Variants in HCN4 observed in about 807,000 individuals in gnomAD.
HCN4 encodes potassium/sodium hyperpolarization-activated cyclic nucleotide-gated channel 4.
A neutral mutation model predicts 76.9 loss-of-function variants in HCN4; 29 were observed. The ratio of observed to expected loss-of-function variants is 0.38; its 90% confidence interval spans 0.28 to 0.51. The LOEUF (loss-of-function observed/expected upper bound fraction) is 0.51, where lower values mean the gene tolerates loss of function less well. HCN4 is among the 20% of genes least tolerant of loss of function. The pLI is 0.90. For missense variants in HCN4, 1,416 were observed against 1,715.2 expected (o/e 0.83, Z 3.08); for synonymous variants, 772 against 762.5 (o/e 1.01, Z -0.21).
In HCN4 at chr15:73,361,285, G is replaced by A. The variant is rs549616094; in HGVS notation, c.785+6201C>T. Among the ~76,000 whole-genome samples, 33 of 152,280 alleles carry A rather than the reference G, an allele frequency of 2.2e-4. 1 individual carries two copies. The highest frequency in any genetic ancestry group is 7.9e-4 in the African/African-American group (33 of 41,542). On this transcript the variant is annotated intron_variant, in intron 1 of 7. Transcript: ENST00000261917. ...CCTCAGATCCGAGTGGGTGCTGATGGTACAGTGTCTCCCAGTGGCTTCCTA... is the reference window on the plus strand; with the variant it reads ...CCTCAGATCCGAGTGGGTGCTGATGATACAGTGTCTCCCAGTGGCTTCCTA...
At chr15:73,334,240 T>C (rs1052712843) in intron 2 of HCN4, among the ~76,000 whole-genome samples, 2 of 152,142 alleles carry the variant, frequency 1.3e-5, no homozygotes, top group Non-Finnish European at 2.9e-5. Context: ...GCATCTGCCA[T>C]GGCCTGGAAG....
At chr15:73,363,759 C>T (rs1378283559) in intron 1 of HCN4, among the ~76,000 whole-genome samples, 2 of 152,192 alleles carry the variant, frequency 1.3e-5, no homozygotes, top group Non-Finnish European at 2.9e-5. Context: ...TTCACAACAG[C>T]ATCACGGCTC....
intron 2 of HCN4, among the ~76,000 whole-genome samples, chr15:73,337,279 C>A (rs2042972356): frequency 6.6e-6 from 1 of 152,244 alleles, no homozygotes. Context: ...TGCTGCTGCA[C>A]GAGGCAGGGC....
intron 4 of HCN4, among the ~76,000 whole-genome samples, chr15:73,326,078 C>G (rs1026519515): frequency 2.6e-5 from 4 of 152,082 alleles, no homozygotes; most frequent in African/African-American, 9.7e-5. Context: ...GCCTCAGACC[C>G]TGGGGCTCAA....
At position 73,320,273 on chromosome 15, in the gene HCN4, A is replaced by T. The variant is rs1334351369; in HGVS notation, c.*2208T>A. ...GAACTCCTGAGCCAGCACAGTAGAGACCAGTACTAGGCGGCGTCTAGTCTT... is the reference window on the plus strand; with the variant it reads ...GAACTCCTGAGCCAGCACAGTAGAGTCCAGTACTAGGCGGCGTCTAGTCTT... On this transcript the variant is annotated 3_prime_UTR_variant, in exon 8 of 8. Transcript: ENST00000261917. 6.6e-6 allele frequency: 1 copy of T among 152,182 alleles called. No homozygotes were observed. The highest frequency in any genetic ancestry group is 1.9e-4 in the East Asian group (1 of 5,192). The allele number at this position is 152,182 out of a possible 1,614,324, so 9.4% of individuals were successfully genotyped here. A position where few individuals can be genotyped will look rare whatever the true frequency, so the allele number is the denominator to read the frequency against.
rs371562763 is a variant in HCN4 at position 73,323,229 on chromosome 15, G to A, written c.2864C>T (p.Pro955Leu). 44 of 1,527,886 alleles carry A rather than the reference G, an allele frequency of 2.9e-5. No individual in the cohort carries two copies. Among genetic ancestry groups the A allele is most frequent in the South Asian group, 1.8e-4 (14 of 77,846 alleles). The allele number at this position is 1,527,886 out of a possible 1,614,324, so 94.6% of individuals were successfully genotyped here. Reference protein sequence around the residue: ...PPGARGGLGLPEHFLPPPPSS... With the variant: ...PPGARGGLGLLEHFLPPPPSS... ...GGGTGGGGGTGGCAGGAAGTGCTCC[G>A]GGAGTCCCAGGCCTCCCCGGGCCCC... The change falls in exon 8 of 8, where the codon CCG (proline) becomes CTG (leucine). Residue 955 changes from proline (P) to leucine (L), a missense_variant. Physicochemically the swap from Pro to Leu is moderately conservative, Grantham distance 98 (BLOSUM62 -3). Around this residue, in one of 6 missense-constraint regions of HCN4, gnomAD observed 633 missense variants for 579.8 expected, o/e 1.09. Transcript: ENST00000261917.
rs747946171 is a variant in HCN4, at chr15:73,323,261, C to T, written c.2832G>A (p.Ala944=). 15 of 1,525,204 alleles carry T rather than the reference C, an allele frequency of 9.8e-6. No individual in the cohort carries two copies. The African/African-American group carries it at 1.1e-4, about 11-fold the overall frequency. 94.5% of individuals were successfully genotyped at this position (1,525,204 alleles called of 1,614,324 possible). A position where few individuals can be genotyped will look rare whatever the true frequency, so the allele number is the denominator to read the frequency against. The change falls in exon 8 of 8, where the codon GCG becomes GCA. Residue 944 remains alanine, a synonymous_variant. Transcript: ENST00000261917. ...RSPQAAQPSP[A]PPGARGGLGL... Reference sequence around the variant, plus strand: ...CCAGGCCTCCCCGGGCCCCGGGTGGCGCGGGAGATGGCTGGGCAGCCTGCG... The same window carrying T: ...CCAGGCCTCCCCGGGCCCCGGGTGGTGCGGGAGATGGCTGGGCAGCCTGCG...
At chr15:73,330,500 G>A (rs964602219) in intron 3 of HCN4, among the ~76,000 whole-genome samples, 1 of 152,170 alleles carries the variant, frequency 6.6e-6, no homozygotes, top group Non-Finnish European at 1.5e-5. Context: ...GGATCGGAAG[G>A]GCCATCTCTT....
chr15:73,345,589 C>T (rs1471564148), intron 1 of HCN4, among the ~76,000 whole-genome samples: 1 of 152,136 alleles, frequency 6.6e-6, no homozygotes, highest in Admixed American at 6.5e-5. Context: ...CTATGGGGTG[C>T]CCTAGAGCCG....
rs1215104006 is a variant in HCN4, at chr15:73,322,463, G to A, written c.*18C>T. 3 of 1,559,756 alleles carry A rather than the reference G, an allele frequency of 1.9e-6. No homozygotes were observed. Among genetic ancestry groups the A allele is most frequent in the Non-Finnish European group, 2.6e-6 (3 of 1,147,580 alleles). ...AAGGGAGAGAAAAGAAGAAAGAAGA[G>A]GGAAGGAAGGGCCCAGCTCATAGAT... is the stretch of plus-strand genomic sequence containing the variant. On this transcript the variant is annotated 3_prime_UTR_variant, in exon 8 of 8. Transcript: ENST00000261917.
chr15:73,348,471 C>T (rs1218814089), intron 1 of HCN4, among the ~76,000 whole-genome samples: 3 of 152,258 alleles, frequency 2.0e-5, no homozygotes, highest in African/African-American at 4.8e-5. Context: ...ACGCTCTTGC[C>T]TTTTGCCCTC....
At chr15:73,332,370 G>C (rs1182974248) in intron 2 of HCN4, 78 bp from the exon 3 acceptor site, 6 of 1,440,924 alleles carry the variant, frequency 4.2e-6, no homozygotes, top group Non-Finnish European at 5.8e-6. Context: ...CTGCCCTGGA[G>C]CTGCTGGTGG....
chr15:73,353,003 CAGAT>C (rs1253684914), intron 1 of HCN4, among the ~76,000 whole-genome samples: 20 of 146,792 alleles, frequency 1.4e-4, no homozygotes, highest in Non-Finnish European at 1.9e-4. Context: ...GATGGATGGA[CAGAT>C]GGATGGATGG....
chr15:73,326,440 G>A (rs1047994188), intron 4 of HCN4, among the ~76,000 whole-genome samples: 1 of 152,178 alleles, frequency 6.6e-6, no homozygotes, highest in African/African-American at 2.4e-5. Context: ...AAAGTCCCAG[G>A]GGACAGTGAC....
intron 2 of HCN4, among the ~76,000 whole-genome samples, chr15:73,341,393 C>T (rs1487050218): frequency 6.6e-6 from 1 of 152,086 alleles, no homozygotes; most frequent in East Asian, 1.9e-4. Context: ...CCACCCATCT[C>T]GGCCTCCCAA....
intron 1 of HCN4, among the ~76,000 whole-genome samples, chr15:73,354,200 C>G (rs917109771): frequency 6.6e-6 from 1 of 152,178 alleles, no homozygotes; most frequent in Admixed American, 6.5e-5. Flanking sequence ...AAGTTTGTTT[C>G]GTTTTGTTTT....
intron 1 of HCN4, among the ~76,000 whole-genome samples, chr15:73,345,928 T>C (rs560172277): frequency 6.6e-6 from 1 of 152,320 alleles, no homozygotes; most frequent in Non-Finnish European, 1.5e-5. Context: ...AACGGGTTTC[T>C]ACACTCTCCC....
chr15:73,335,080 G>A (rs963803136), intron 2 of HCN4, among the ~76,000 whole-genome samples: 5 of 151,992 alleles, frequency 3.3e-5, no homozygotes, highest in East Asian at 1.9e-4. Flanking sequence ...AGAAGCCCCC[G>A]TGCTGGCACT....
Position 73,367,557 on chromosome 15 carries a change from T to A in HCN4, c.714A>T (p.Lys238Asn). The change falls in exon 1 of 8, where the codon AAA becomes AAT. Residue 238 changes from lysine to asparagine, a missense_variant. Around this residue, in one of 6 missense-constraint regions of HCN4, gnomAD observed 52 missense variants for 129.1 expected, o/e 0.40. Coordinates refer to ENST00000261917, the MANE Select transcript of HCN4 (RefSeq NM_005477.3). The surrounding 1 kb of genome is among the most constrained non-coding windows in gnomAD (Gnocchi z 7.5). The stretch of plus-strand genomic sequence containing the variant: ...CCCTCTCCTGTTCGCGCTCCACGGC[T>A]TTCTGGCTGCCGAACATCCTTAGGG... ...KFSLRMFGSQ[K>N]AVEREQERVK... The A allele has an allele frequency of 6.2e-7, 1 of 1,614,002 alleles. No individual in the cohort carries two copies. The highest frequency in any genetic ancestry group is 8.5e-7 in the Non-Finnish European group (1 of 1,180,000).
Sources: gnomAD v4.1 joint callset for allele counts (sites outside exome capture counted in the v4.1 genomes callset) on GRCh38, gnomAD v4.1.1 for gene constraint, gnomAD v4.1.1 regional missense constraint, Gnocchi (gnomAD v3.1) non-coding constraint, MANE v1.5 for transcripts, NCBI Gene and HGNC (gene_info 2026-07-23, HGNC 2026-07-21) for gene names.